Variants in ALK observed in about 807,000 individuals in gnomAD.
ALK encodes ALK tyrosine kinase receptor.
A neutral mutation model predicts 163.1 loss-of-function variants in ALK; 74 were observed. The ratio of observed to expected loss-of-function variants is 0.45; its 90% CI spans 0.38 to 0.55. ALK has a LOEUF of 0.55. Among genes scored for constraint, ALK ranks in the 20% least tolerant of loss-of-function variants. ALK has a pLI of 0.00. For missense variants in ALK, 2,063 were observed against 2,105.3 expected, an observed-to-expected ratio of 0.98 and a Z score of 0.39; for synonymous variants, 960 against 843.2, an observed-to-expected ratio of 1.14 and a Z score of -2.40.
intron 1 of ALK, among the ~76,000 whole-genome samples, chr2:29,888,139 T>C (rs1214623092): frequency 6.6e-6 from 1 of 152,158 alleles, no homozygotes; most frequent in African/African-American, 2.4e-5. Context: ...CTAGTAAATA[T>C]TGATGTCTTG....
intron 5 of ALK, among the ~76,000 whole-genome samples, chr2:29,347,754 T>C (rs755340522): frequency 6.6e-6 from 1 of 152,194 alleles, no homozygotes; most frequent in East Asian, 1.9e-4. Flanking sequence ...GCTGCCGATC[T>C]AGCTCTTTCC....
rs76130950 is a variant in ALK at position 29,629,785 on chromosome 2, C to T, written c.952+65065G>A. On this transcript the variant is annotated intron_variant, in intron 3 of 28. Transcript: ENST00000389048. ...CTCTGAGGTACAGACAGTTATTAGT[C>T]TCATTTTACAGGTCAAAGCAGTAAG... Among the ~76,000 whole-genome samples the T allele has an allele frequency of 3.8e-3, 574 of 152,240 alleles. 1 individual carries two copies. Among genetic ancestry groups the T allele is most frequent in the African/African-American group, 0.012 (516 of 41,536 alleles).
chr2:29,900,787 A>G (rs1667392320), intron 1 of ALK, among the ~76,000 whole-genome samples: 1 of 152,130 alleles, frequency 6.6e-6, no homozygotes, highest in Non-Finnish European at 1.5e-5. Flanking sequence ...ACCTCAAGAG[A>G]GAGACATGTA....
In ALK at chr2:29,232,323, G is replaced by A. The variant is rs150557024; in HGVS notation, c.2613C>T (p.Asn871=). Residue 871 remains asparagine, a synonymous_variant, in exon 15 of 29, where the codon AAC becomes AAT. Coordinates refer to ENST00000389048, the MANE Select transcript of ALK (RefSeq NM_004304.5). ...LENNSSVLGL[N]GNSGAAGGGG... ...CTTTACCTGCGGCTCCGGAATTGCC[G>A]TTTAGCCCTAGAACCGAGGAGTTAT... 1.9e-4 allele frequency: 307 copies of A among 1,614,254 alleles called. No homozygotes were observed. In the African/African-American group the frequency reaches 3.3e-3, roughly 17 times the overall value.
chr2:29,670,254 C>T (rs1234923635), intron 3 of ALK, among the ~76,000 whole-genome samples: 3 of 151,998 alleles, frequency 2.0e-5, no homozygotes, highest in African/African-American at 7.2e-5. Context: ...ACTAGCTTTC[C>T]TTCATAGTTG....
chr2:29,423,413 T>C (rs1242331096), intron 4 of ALK, among the ~76,000 whole-genome samples: 3 of 152,334 alleles, frequency 2.0e-5, no homozygotes, highest in South Asian at 2.1e-4. Context: ...ACTAATCTCA[T>C]TGCAGCAGAC....
chr2:29,496,373 A>G (rs1672023569), intron 4 of ALK, among the ~76,000 whole-genome samples: 1 of 152,190 alleles, frequency 6.6e-6, no homozygotes, highest in South Asian at 2.1e-4. Context: ...CAGACAAACT[A>G]GATTCACACT....
intron 8 of ALK, among the ~76,000 whole-genome samples, chr2:29,303,348 G>A (rs1666421783): frequency 6.6e-6 from 1 of 152,052 alleles, no homozygotes; most frequent in Non-Finnish European, 1.5e-5. Flanking sequence ...TCTCACACCA[G>A]TCAGAATGGC....
intron 5 of ALK, among the ~76,000 whole-genome samples, chr2:29,337,473 T>C (rs996795396): frequency 2.0e-5 from 3 of 152,174 alleles, no homozygotes; most frequent in Admixed American, 1.3e-4. Context: ...ATAGTTGCCA[T>C]GGGCTTAGGC....
chr2:29,646,002 A>G (rs1676861948), intron 3 of ALK, among the ~76,000 whole-genome samples: 1 of 152,058 alleles, frequency 6.6e-6, no homozygotes, highest in Non-Finnish European at 1.5e-5. Context: ...ACAACTCCCC[A>G]GTGAAGACCC....
At chr2:29,395,964 T>C (rs1669292934) in intron 4 of ALK, among the ~76,000 whole-genome samples, 1 of 152,220 alleles carries the variant, frequency 6.6e-6, no homozygotes, top group African/African-American at 2.4e-5. Context: ...AAGCCTCCCA[T>C]GTCATGGAAA....
At chr2:29,518,557 G>T (rs1372725548) in intron 4 of ALK, among the ~76,000 whole-genome samples, 1 of 152,168 alleles carries the variant, frequency 6.6e-6, no homozygotes. Flanking sequence ...GGGTTCAAAC[G>T]CAGAATAAAG....
intron 5 of ALK, among the ~76,000 whole-genome samples, chr2:29,356,953 G>A (rs1445751104): frequency 6.6e-6 from 1 of 152,104 alleles, no homozygotes; most frequent in Non-Finnish European, 1.5e-5. Context: ...CATCTTCAGA[G>A]ACCCCCAAGT....
chr2:29,594,623 T>A (rs1675150465), intron 3 of ALK, among the ~76,000 whole-genome samples: 1 of 151,872 alleles, frequency 6.6e-6, no homozygotes, highest in Non-Finnish European at 1.5e-5. Flanking sequence ...GACACGGGGT[T>A]TCACCATGTT....
intron 4 of ALK, among the ~76,000 whole-genome samples, chr2:29,501,803 C>T (rs1573407065): frequency 6.6e-6 from 1 of 152,214 alleles, no homozygotes; most frequent in Admixed American, 6.5e-5. Flanking sequence ...TAGAACATTT[C>T]TCGTTTTGCA....
chr2:29,840,118 A>G (rs751055625), intron 1 of ALK, among the ~76,000 whole-genome samples: 3 of 152,238 alleles, frequency 2.0e-5, no homozygotes, highest in Non-Finnish European at 4.4e-5. Context: ...TCCTTGACAT[A>G]TATGTCTCAT....
chr2:29,891,196 T>C (rs1667135846), intron 1 of ALK, among the ~76,000 whole-genome samples: 1 of 152,206 alleles, frequency 6.6e-6, no homozygotes, highest in East Asian at 1.9e-4. Flanking sequence ...TCTTCCTCCA[T>C]ACACCTGTAA....
Position 29,920,950 on chromosome 2 carries a change from GC to G in ALK, c.-292del. 2.0e-6 allele frequency: 1 copy of G among 494,756 alleles called. No individual in the cohort carries two copies. The highest frequency in any genetic ancestry group is 2.6e-5 in the South Asian group (1 of 37,924). 30.6% of individuals were successfully genotyped at this position (494,756 alleles called of 1,614,324 possible). A position where few individuals can be genotyped will look rare whatever the true frequency, so the allele number is the denominator to read the frequency against. On this transcript the variant is annotated 5_prime_UTR_variant, in exon 1 of 29. Transcript: ENST00000389048. ...TCCCGCTCTCCGCGCCGAGTGCCGC[GC>G]CCCCGTCTGTAGCTCGCTGCGCTCG...
intron 3 of ALK, among the ~76,000 whole-genome samples, chr2:29,579,282 C>T (rs765996169): frequency 3.3e-4 from 50 of 152,330 alleles, no homozygotes; most frequent in Non-Finnish European, 4.4e-4. Flanking sequence ...CCAGCTTTAG[C>T]GTTCCAGGCT....
Sources: gnomAD v4.1 joint callset for allele counts (sites outside exome capture counted in the v4.1 genomes callset) on GRCh38, gnomAD v4.1.1 for gene constraint, MANE v1.5 for transcripts, NCBI Gene and HGNC (gene_info 2026-07-23, HGNC 2026-07-21) for gene names.